FAM13B: variants seen among roughly 807,000 people sequenced by gnomAD.
FAM13B encodes the protein protein FAM13B.
In FAM13B, 60 loss-of-function variants were observed where a neutral mutation model predicts 117.3. That is an observed-to-expected ratio of 0.51 (90% CI 0.42 to 0.63). FAM13B has a LOEUF of 0.63. FAM13B is among the 30% of genes least tolerant of loss of function. The pLI is 0.00. For missense variants in FAM13B, 972 were observed against 1,091.9 expected (o/e 0.89, Z 1.55); for synonymous variants, 332 against 356.1 (o/e 0.93, Z 0.76).
chr5:137,950,672 C>A (rs1006156366), intron 17 of FAM13B, among the ~76,000 whole-genome samples: 1 of 151,846 alleles, frequency 6.6e-6, no homozygotes, highest in African/African-American at 2.4e-5. Context: ...TAGCTGGGAC[C>A]CAGGCTAACA....
intron 7 of FAM13B, among the ~76,000 whole-genome samples, chr5:138,000,100 A>G (rs1165077356): frequency 2.0e-5 from 3 of 152,240 alleles, no homozygotes; most frequent in Non-Finnish European, 4.4e-5. Context: ...CTAATATGTG[A>G]TAGGTTTATT....
rs1468988069 is a variant in FAM13B at position 137,940,155 on chromosome 5, C to G, written c.*70G>C. ...CTGACAAAACGAATTTAAGTACCAG[C>G]CAAGTACACACGATGATAGCTTCAA... On this transcript the variant is annotated 3_prime_UTR_variant, in exon 24 of 24. Transcript: ENST00000689681. 1.9e-6 allele frequency: 3 copies of G among 1,613,192 alleles called. No individual in the cohort carries two copies. The highest frequency in any genetic ancestry group is 1.7e-5 in the Admixed American group (1 of 60,014).
At chr5:138,023,053 A>G (rs1391103780) in intron 1 of FAM13B, among the ~76,000 whole-genome samples, 1 of 152,066 alleles carries the variant, frequency 6.6e-6, no homozygotes, top group Non-Finnish European at 1.5e-5. Flanking sequence ...CCTGGCCTCA[A>G]GCAATCCCTC....
intron 15 of FAM13B, 116 bp from the exon 16 acceptor site, chr5:137,953,581 C>T (rs1765629507): frequency 1.9e-6 from 2 of 1,050,552 alleles, no homozygotes; most frequent in South Asian, 3.1e-5. Flanking sequence ...AAAATAAGTC[C>T]CTAACACTAA....
At chr5:137,973,120 T>C (rs1245661639) in intron 10 of FAM13B, among the ~76,000 whole-genome samples, 1 of 152,182 alleles carries the variant, frequency 6.6e-6, no homozygotes, top group East Asian at 1.9e-4. Flanking sequence ...TTTAAGTCCA[T>C]ATGGAACCAA....
chr5:137,961,444 G>T (rs1393972798), intron 11 of FAM13B, among the ~76,000 whole-genome samples: 1 of 152,070 alleles, frequency 6.6e-6, no homozygotes, highest in East Asian at 1.9e-4. Flanking sequence ...TATATCTTCA[G>T]CCCATAGCTC....
intron 1 of FAM13B, among the ~76,000 whole-genome samples, chr5:138,032,477 G>C (rs994991598): frequency 6.6e-6 from 1 of 152,204 alleles, no homozygotes; most frequent in Non-Finnish European, 1.5e-5. Context: ...GGGGTGTCGC[G>C]CCATCTACTC....
chr5:138,015,780 C>T (rs1227918052), intron 4 of FAM13B, among the ~76,000 whole-genome samples: 1 of 152,094 alleles, frequency 6.6e-6, no homozygotes, highest in Non-Finnish European at 1.5e-5. Flanking sequence ...AGACACCTTC[C>T]CAAAATAACT....
rs891332130 is a variant in FAM13B at position 138,004,817 on chromosome 5, T to C, written c.848+2173A>G. On this transcript the variant is annotated intron_variant, in intron 7 of 23. Coordinates refer to ENST00000689681, the MANE Select transcript of FAM13B (RefSeq NM_001385994.1). ...GCTTGAGCCCAAGAGGTAGAGGCTATACATGAGCTGTGATTGTGCCACTGC... is the reference window on the plus strand; with the variant it reads ...GCTTGAGCCCAAGAGGTAGAGGCTACACATGAGCTGTGATTGTGCCACTGC... 3.9e-5 allele frequency among the ~76,000 whole-genome samples: 6 copies of C among 152,208 alleles called. No individual in the cohort carries two copies. The East Asian group carries it at 9.7e-4, about 25-fold the overall frequency.
chr5:138,020,053 A>C, intron 2 of FAM13B: 12 of 908,374 alleles, frequency 1.3e-5, no homozygotes, highest in Non-Finnish European at 1.6e-5. Flanking sequence ...CCTTTTATCA[A>C]CACTGTTATT....
chr5:138,045,751 C>A, intron 1 of FAM13B, among the ~76,000 whole-genome samples: 1 of 151,976 alleles, frequency 6.6e-6, no homozygotes. Context: ...GTAATCCCAG[C>A]ACTTTGGGAG....
At chr5:138,035,058 G>A (rs1018485628), upstream of FAM13B, among the ~76,000 whole-genome samples, 3 of 122,114 alleles carry the variant, frequency 2.5e-5, no homozygotes, top group Non-Finnish European at 4.8e-5. Context: ...TGTCACTCAG[G>A]CTGGGGTCCA....
chr5:138,044,033 C>T lies in FAM13B; in HGVS notation c.-203+7845G>A, dbSNP rs529291974. ...TCCTGGGCTCAAGTGATCCTCCCACCTCAACCTCCTATGTAGCTGGAACTA... is the reference window on the plus strand; with the variant it reads ...TCCTGGGCTCAAGTGATCCTCCCACTTCAACCTCCTATGTAGCTGGAACTA... On this transcript the variant is annotated intron_variant, in intron 1 of 3. Transcript: ENST00000502471. Among the ~76,000 whole-genome samples, 59 of 152,140 alleles carry T rather than the reference C, an allele frequency of 3.9e-4. 1 individual carries two copies. The highest frequency in any genetic ancestry group is 3.9e-4 in the East Asian group (2 of 5,142).
In FAM13B at chr5:137,938,312, AAAG is replaced by A. The variant is rs1760733142; in HGVS notation, c.*1910_*1912del. ...GGTACTCATATAGATTTAGCATTAT[AAAG>A]AAGGAATATATTATTTAAAACATTT... On this transcript the variant is annotated 3_prime_UTR_variant, in exon 24 of 24. Transcript: ENST00000689681. 6.6e-6 allele frequency: 1 copy of A among 152,616 alleles called. No homozygotes were observed. The highest frequency in any genetic ancestry group is 1.5e-5 in the Non-Finnish European group (1 of 68,034). The allele number at this position is 152,616 out of a possible 1,614,324, so 9.5% of individuals were successfully genotyped here. A position where few individuals can be genotyped will look rare whatever the true frequency, so the allele number is the denominator to read the frequency against.
At position 138,005,403 on chromosome 5, in the gene FAM13B, A is replaced by T. The variant is rs10045288; in HGVS notation, c.848+1587T>A. On this transcript the variant is annotated intron_variant, in intron 7 of 23. Coordinates refer to ENST00000689681, the MANE Select transcript of FAM13B (RefSeq NM_001385994.1). ...AAGCCAGAGAAAGGTTCACTCTTCA[A>T]TTCCAGTAAATGTATCCAAATAATT... 3.2e-3 allele frequency among the ~76,000 whole-genome samples: 493 copies of T among 152,188 alleles called. 2 individuals carry two copies. Among genetic ancestry groups the T allele is most frequent in the African/African-American group, 0.011 (470 of 41,520 alleles).
intron 18 of FAM13B, among the ~76,000 whole-genome samples, chr5:137,947,606 AG>A (rs1296937387): frequency 2.0e-5 from 3 of 151,494 alleles, no homozygotes; most frequent in African/African-American, 7.3e-5. Flanking sequence ...TTTTGAGACG[AG>A]GTCTCGCTCT....
intron 6 of FAM13B, among the ~76,000 whole-genome samples, chr5:138,009,619 A>G (rs1203274801): frequency 1.3e-5 from 2 of 152,156 alleles, no homozygotes; most frequent in African/African-American, 4.8e-5. Flanking sequence ...AGTCTGGCCA[A>G]CATGGCGAAA....
intron 1 of FAM13B, among the ~76,000 whole-genome samples, chr5:138,040,298 G>A (rs1349582313): frequency 6.1e-5 from 9 of 146,518 alleles, no homozygotes; most frequent in Non-Finnish European, 1.0e-4. Context: ...GGCCGGGCAC[G>A]GTGGCTCAAG....
At chr5:137,968,774 G>C (rs950818332) in intron 10 of FAM13B, among the ~76,000 whole-genome samples, 3 of 152,254 alleles carry the variant, frequency 2.0e-5, no homozygotes, top group Non-Finnish European at 4.4e-5. Context: ...AGCCAAAGCA[G>C]GGCGAGGCAT....
Sources: allele counts gnomAD v4.1 joint callset (sites outside exome capture counted in the v4.1 genomes callset), GRCh38; gene constraint gnomAD v4.1.1; transcripts MANE v1.5; gene names NCBI Gene and HGNC (gene_info 2026-07-23, HGNC 2026-07-21).